Variants in SCUBE2 observed in about 807,000 individuals in gnomAD.
The protein encoded by SCUBE2 is signal peptide, CUB domain and EGF like domain containing 2.
A neutral mutation model predicts 125.9 loss-of-function variants in SCUBE2; 114 were observed. The observed-to-expected ratio is 0.91, with a 90% confidence interval of 0.78 to 1.06. The LOEUF (loss-of-function observed/expected upper bound fraction) is 1.06. Ranked by LOEUF, SCUBE2 falls within the 50% of genes least tolerant of loss-of-function variation. The probability of loss-of-function intolerance (pLI) is 0.00; values close to 1 mark genes in which losing one functional copy is unlikely to be tolerated. For synonymous variants in SCUBE2, 459 were observed against 492.9 expected, an observed-to-expected ratio of 0.93 and a Z score of 0.91; for missense variants, 1,255 against 1,301.8, an observed-to-expected ratio of 0.96 and a Z score of 0.55.
At chr11:9,073,885 A>C (rs758535408) in intron 4 of SCUBE2, among the ~76,000 whole-genome samples, 7 of 152,246 alleles carry the variant, frequency 4.6e-5, no homozygotes, top group Non-Finnish European at 1.0e-4. Flanking sequence ...AGAGAAGGAC[A>C]TCAGAAGAGA....
At chr11:9,047,907 G>A in intron 15 of SCUBE2, 36 bp downstream of exon 15, 1 of 1,575,982 alleles carries the variant, frequency 6.3e-7, no homozygotes, top group South Asian at 1.2e-5. Context: ...AGCAAGCCGT[G>A]AGAAGCCTGG....
chr11:9,063,256 A>C (rs1399345683), intron 7 of SCUBE2, among the ~76,000 whole-genome samples: 1 of 152,018 alleles, frequency 6.6e-6, no homozygotes, highest in Non-Finnish European at 1.5e-5. Context: ...AAAAAAAAGA[A>C]AGAAAAAGAA....
At chr11:9,048,903 T>C (rs1433377960) in intron 14 of SCUBE2, among the ~76,000 whole-genome samples, 1 of 152,184 alleles carries the variant, frequency 6.6e-6, no homozygotes, top group Non-Finnish European at 1.5e-5. Context: ...ATTCAAGCCA[T>C]AGGTCAACAG....
At chr11:9,041,815 G>T (rs930775332) in intron 16 of SCUBE2, among the ~76,000 whole-genome samples, 16 of 152,160 alleles carry the variant, frequency 1.1e-4, no homozygotes, top group African/African-American at 3.9e-4. Context: ...GGTTTGTTTG[G>T]TTTTTAAGAC....
intron 7 of SCUBE2, among the ~76,000 whole-genome samples, chr11:9,063,327 T>C (rs1185238988): frequency 6.6e-6 from 1 of 152,174 alleles, no homozygotes; most frequent in Non-Finnish European, 1.5e-5. Context: ...AATGTTCATA[T>C]TGAAAAGTAC....
chr11:9,034,706 C>T (rs778362853), intron 16 of SCUBE2, among the ~76,000 whole-genome samples: 60 of 152,262 alleles, frequency 3.9e-4, no homozygotes, highest in African/African-American at 1.2e-3. Context: ...ACAGGCTGTG[C>T]GCAGTGGCTC....
chr11:9,085,658 G>A (rs986578967), intron 2 of SCUBE2, among the ~76,000 whole-genome samples: 49 of 152,072 alleles, frequency 3.2e-4, no homozygotes, highest in African/African-American at 1.0e-3. Context: ...CCTGGGAGGC[G>A]GAGGTTGCAA....
chr11:9,020,851 A>C lies in SCUBE2; in HGVS notation c.*194T>G. ...TGCCACTCAAAGCCATTCTCAGTCT[A>C]CATCCACGATGCTGGGAAAGAAAAA... On this transcript the variant is annotated 3_prime_UTR_variant, in exon 23 of 23. Coordinates refer to ENST00000649792, the MANE Select transcript of SCUBE2 (RefSeq NM_001367977.2). 1 of 498,896 alleles carries C rather than the reference A, an allele frequency of 2.0e-6. No homozygotes were observed. Among genetic ancestry groups the C allele is most frequent in the Non-Finnish European group, 3.5e-6 (1 of 283,694 alleles). 30.9% of individuals were successfully genotyped at this position (498,896 alleles called of 1,614,324 possible).
chr11:9,056,046 C>T, intron 9 of SCUBE2, 137 bp from the exon 10 acceptor site: 1 of 705,624 alleles, frequency 1.4e-6, no homozygotes, highest in Non-Finnish European at 2.5e-6. Context: ...TATCCATTTT[C>T]CTCACTCACT....
At chr11:9,086,768 G>T (rs983568496) in intron 2 of SCUBE2, among the ~76,000 whole-genome samples, 1 of 148,352 alleles carries the variant, frequency 6.7e-6, no homozygotes, top group Non-Finnish European at 1.5e-5. Flanking sequence ...CAGGAGAATT[G>T]CTTGAACCTG....
chr11:9,049,189 A>G (rs893264521), intron 14 of SCUBE2, among the ~76,000 whole-genome samples: 2 of 152,218 alleles, frequency 1.3e-5, no homozygotes, highest in African/African-American at 4.8e-5. Flanking sequence ...CTAAGACATT[A>G]ACACTAGTAC....
chr11:9,025,930 TA>T, intron 20 of SCUBE2, 76 bp from the exon 21 acceptor site: 2 of 1,438,274 alleles, frequency 1.4e-6, no homozygotes, highest in African/African-American at 2.8e-5. Flanking sequence ...CTCATCTTTC[TA>T]AACACTCAAA....
At chr11:9,038,512 C>T (rs946860995) in intron 16 of SCUBE2, among the ~76,000 whole-genome samples, 2 of 152,076 alleles carry the variant, frequency 1.3e-5, no homozygotes, top group Non-Finnish European at 2.9e-5. Context: ...CGTGGTAGTG[C>T]ATGCCAGTGG....
rs1211490997 is a variant in SCUBE2 at position 9,052,837 on chromosome 11, C to T, written c.1448-5G>A. The T allele has an allele frequency of 2.0e-6, 3 of 1,534,696 alleles. No homozygotes were observed. Among genetic ancestry groups the T allele is most frequent in the Non-Finnish European group, 2.6e-6 (3 of 1,144,656 alleles). On this transcript the variant is annotated splice_region_variant and splice_polypyrimidine_tract_variant and intron_variant, in intron 12 of 22. Transcript: ENST00000649792. ...CAGAGTAGGCCCCTTGCAGTCCTGA[C>T]AGACAGAATGTCAATTGTCAAATGC...
At chr11:9,079,571 A>G (rs1861470532) in intron 2 of SCUBE2, 62 bp from the exon 3 acceptor site, 3 of 1,545,564 alleles carry the variant, frequency 1.9e-6, no homozygotes, top group South Asian at 1.2e-5. Context: ...AAACATATGC[A>G]CTTACCTCCA....
chr11:9,020,188 G>A lies in SCUBE2; in HGVS notation c.*857C>T, dbSNP rs1855190537. On this transcript the variant is annotated 3_prime_UTR_variant, in exon 23 of 23. Coordinates refer to ENST00000649792, the MANE Select transcript of SCUBE2 (RefSeq NM_001367977.2). ...GAACCCTTGGCAATACCGACTCAGGGTTGGTGAAATCGCCTTTTCATGACA... is the reference window on the plus strand; with the variant it reads ...GAACCCTTGGCAATACCGACTCAGGATTGGTGAAATCGCCTTTTCATGACA... Among the ~76,000 whole-genome samples the A allele has an allele frequency of 6.6e-6, 1 of 152,150 alleles. No individual in the cohort carries two copies. Among genetic ancestry groups the A allele is most frequent in the Non-Finnish European group, 1.5e-5 (1 of 68,022 alleles).
intron 4 of SCUBE2, among the ~76,000 whole-genome samples, chr11:9,073,425 T>G (rs1860971434): frequency 6.6e-6 from 1 of 152,200 alleles, no homozygotes. Flanking sequence ...TGACAATTTT[T>G]CTTGGTACCC....
At chr11:9,039,216 T>A (rs970145885) in intron 16 of SCUBE2, among the ~76,000 whole-genome samples, 2 of 152,106 alleles carry the variant, frequency 1.3e-5, no homozygotes, top group African/African-American at 4.8e-5. Context: ...GGAGAACAAT[T>A]CAGAGCCTGG....
intron 4 of SCUBE2, among the ~76,000 whole-genome samples, chr11:9,071,207 A>C (rs538694601): frequency 6.6e-6 from 1 of 152,330 alleles, no homozygotes; most frequent in Admixed American, 6.5e-5. Context: ...AACACCTGGA[A>C]AGTACACTCC....
Sources: gnomAD v4.1 joint callset for allele counts (sites outside exome capture counted in the v4.1 genomes callset) on GRCh38, gnomAD v4.1.1 for gene constraint, MANE v1.5 for transcripts, NCBI Gene and HGNC (gene_info 2026-07-23, HGNC 2026-07-21) for gene names.